PTPRF: variants seen among roughly 807,000 people sequenced by gnomAD.
PTPRF encodes the protein protein tyrosine phosphatase receptor type F, also known as receptor-type tyrosine-protein phosphatase F.
Under a neutral mutation model 201.8 loss-of-function variants are expected in PTPRF, and 59 were observed. The observed-to-expected ratio is 0.29, with a 90% confidence interval of 0.24 to 0.36. PTPRF has a LOEUF of 0.36. Ranked by LOEUF, PTPRF falls within the 10% of genes least tolerant of loss-of-function variation. The pLI is 1.00. For synonymous variants in PTPRF, 1,088 were observed against 1,089.7 expected, an observed-to-expected ratio of 1.00 and a Z score of 0.03; for missense variants, 2,132 against 2,690.5, an observed-to-expected ratio of 0.79 and a Z score of 4.59.
chr1:43,571,154 T>C (rs1414191512), intron 6 of PTPRF, among the ~76,000 whole-genome samples: 1 of 152,152 alleles, frequency 6.6e-6, no homozygotes, highest in Non-Finnish European at 1.5e-5. Flanking sequence ...TGGATGCCAC[T>C]CAGGCCCCAT....
chr1:43,601,509 A>G (rs945656122), intron 13 of PTPRF, among the ~76,000 whole-genome samples: 1 of 151,820 alleles, frequency 6.6e-6, no homozygotes, highest in African/African-American at 2.4e-5. Context: ...TTCACCCCCA[A>G]CTCTTACTGT....
rs1401796544 is a variant in PTPRF at position 43,619,197 on chromosome 1, C to T, written c.4641C>T (p.His1547=). The T allele has an allele frequency of 1.4e-6, 2 of 1,442,964 alleles. No homozygotes were observed. The highest frequency in any genetic ancestry group is 1.5e-5 in the African/African-American group (1 of 67,602). The allele number at this position is 1,442,964 out of a possible 1,614,324, so 89.4% of individuals were successfully genotyped here. The change falls in exon 27 of 34, where the codon CAC becomes CAT. Residue 1547 remains histidine, a synonymous_variant. Transcript: ENST00000359947. ...TAGACGCAGGGCCCATGGTGGTGCA[C>T]TGCAGGTGAGAGGGTACAGTGCCAC... The part of the protein sequence containing the change: ...NPLDAGPMVV[H]CSAGVGRTGC...
At chr1:43,533,234 A>T (rs1462311835) in intron 1 of PTPRF, among the ~76,000 whole-genome samples, 2 of 151,824 alleles carry the variant, frequency 1.3e-5, no homozygotes, top group East Asian at 3.9e-4. Context: ...CCTCCCCTTT[A>T]TCCAGCTTTG....
intron 1 of PTPRF, among the ~76,000 whole-genome samples, chr1:43,534,535 C>T (rs1253919904): frequency 6.6e-6 from 1 of 152,038 alleles, no homozygotes; most frequent in Non-Finnish European, 1.5e-5. Context: ...CCAGGTTCCT[C>T]GGAGTGGTTG....
intron 30 of PTPRF, 105 bp from the exon 31 acceptor site, chr1:43,620,349 C>T: frequency 6.6e-7 from 1 of 1,521,140 alleles, no homozygotes; most frequent in Non-Finnish European, 9.0e-7. Context: ...GCCTCAGGCG[C>T]CCGTTATTAC....
At chr1:43,561,183 T>C (rs1645783508) in intron 5 of PTPRF, among the ~76,000 whole-genome samples, 1 of 151,954 alleles carries the variant, frequency 6.6e-6, no homozygotes, top group Non-Finnish European at 1.5e-5. Flanking sequence ...AGACAGAGGG[T>C]CAATGATAGA....
chr1:43,565,774 GA>G (rs1646124528), intron 5 of PTPRF, among the ~76,000 whole-genome samples: 1 of 152,194 alleles, frequency 6.6e-6, no homozygotes. Flanking sequence ...CGGGGCCTGG[GA>G]AGGGGCGCAG....
chr1:43,529,794 G>A (rs12094591), upstream of PTPRF, among the ~76,000 whole-genome samples: 3,031 of 152,234 alleles, frequency 0.02, 104 homozygotes, highest in African/African-American at 0.069. Context: ...AAATCTTCAG[G>A]TAGGTTATTG....
At position 43,622,723 on chromosome 1, in the gene PTPRF, G is replaced by A. The variant is rs959318449; in HGVS notation, c.*720G>A. 1 of 152,564 alleles carries A rather than the reference G, an allele frequency of 6.6e-6. No individual in the cohort carries two copies. The highest frequency in any genetic ancestry group is 1.5e-5 in the Non-Finnish European group (1 of 68,032). The allele number at this position is 152,564 out of a possible 1,614,324, so 9.5% of individuals were successfully genotyped here. On this transcript the variant is annotated 3_prime_UTR_variant, in exon 34 of 34. Transcript: ENST00000359947. The stretch of plus-strand genomic sequence containing the variant: ...ACAGTGGTGGGCGGGGAGAAGATAG[G>A]GAACACTCATCCCTGGTCGTCTATC...
rs537006510 is a variant in PTPRF at position 43,538,635 on chromosome 1, G to T, written c.-46+358G>T. On this transcript the variant is annotated intron_variant, in intron 2 of 33. Transcript: ENST00000359947. The stretch of plus-strand genomic sequence containing the variant: ...AATGACATACAGCTCGTCAGCTACT[G>T]TAGGTGTGAAATAGGCTTCCGGGTG... 2.0e-5 allele frequency among the ~76,000 whole-genome samples: 3 copies of T among 152,372 alleles called. No individual in the cohort carries two copies. The East Asian group carries it at 5.8e-4, about 29-fold the overall frequency.
At chr1:43,574,389 A>G (rs1646786558) in intron 6 of PTPRF, among the ~76,000 whole-genome samples, 1 of 152,016 alleles carries the variant, frequency 6.6e-6, no homozygotes, top group South Asian at 2.1e-4. Flanking sequence ...AAATAATAAA[A>G]ACCTATTATA....
intron 5 of PTPRF, among the ~76,000 whole-genome samples, chr1:43,558,354 T>G (rs1289937154): frequency 6.6e-6 from 1 of 152,106 alleles, no homozygotes; most frequent in South Asian, 2.1e-4. Flanking sequence ...CCAACTGCTG[T>G]GGCTCCAGGG....
chr1:43,557,990 T>C (rs1282235708), intron 5 of PTPRF, among the ~76,000 whole-genome samples: 1 of 145,060 alleles, frequency 6.9e-6, no homozygotes, highest in East Asian at 2.3e-4. Flanking sequence ...ACCCCACCCC[T>C]CCCCTCCCTC....
chr1:43,612,679 T>G, intron 22 of PTPRF: 1 of 1,186,066 alleles, frequency 8.4e-7, no homozygotes, highest in Non-Finnish European at 1.1e-6. Flanking sequence ...CCACTGTGTG[T>G]GATGGTGCTG....
chr1:43,579,720 C>A, intron 7 of PTPRF: 1 of 159,196 alleles, frequency 6.3e-6, no homozygotes. Flanking sequence ...GCCCTGAGAG[C>A]CCCTTCTACC....
At chr1:43,612,825 TG>T in intron 22 of PTPRF, 1 of 1,359,290 alleles carries the variant, frequency 7.4e-7, no homozygotes. Context: ...TTCCCGTGTT[TG>T]GGGGATACTT....
chr1:43,582,571 GGCTGCGGGCCACA>G (rs1647979909), intron 7 of PTPRF: 1 of 56,044 alleles, frequency 1.8e-5, no homozygotes, highest in African/African-American at 1.1e-4. Flanking sequence ...CTAGGGACCT[GGCTGCGGGCCACA>G]GCTGTCTAAA....
rs200649647 is a variant in PTPRF at position 43,619,861 on chromosome 1, C to A, written c.5111+3C>A. ...GCCAGCTTCCTGGATGGTTATAGGT[C>A]AGCATGCATGTCACTGCCCCACCAT... On this transcript the variant is annotated splice_donor_region_variant and intron_variant, in intron 29 of 33. Coordinates refer to ENST00000359947, the MANE Select transcript of PTPRF (RefSeq NM_002840.5). The A allele has an allele frequency of 6.2e-7, 1 of 1,613,582 alleles. No homozygotes were observed. Among genetic ancestry groups the A allele is most frequent in the East Asian group, 2.2e-5 (1 of 44,880 alleles).
chr1:43,545,508 A>G (rs1321443267), intron 3 of PTPRF, among the ~76,000 whole-genome samples: 2 of 152,006 alleles, frequency 1.3e-5, no homozygotes, highest in Non-Finnish European at 1.5e-5. Context: ...GCACAGTGTG[A>G]GCTACAGCCA....
Sources: gnomAD v4.1 joint callset for allele counts (sites outside exome capture counted in the v4.1 genomes callset) on GRCh38, gnomAD v4.1.1 for gene constraint, MANE v1.5 for transcripts, NCBI Gene and HGNC (gene_info 2026-07-23, HGNC 2026-07-21) for gene names.